The following ALG14 variants were observed in gnomAD, a reference collection of about 807,000 sequenced individuals.
The protein encoded by ALG14 is UDP-N-acetylglucosamine transferase subunit ALG14.
ALG14 carries 17 observed loss-of-function variants against 22.8 expected under a neutral mutation model. That is an observed-to-expected ratio of 0.75 (90% CI 0.51 to 1.12). The LOEUF (loss-of-function observed/expected upper bound fraction) is 1.12. Among genes scored for constraint, ALG14 ranks in the 50% most tolerant of loss-of-function variants. The probability of loss-of-function intolerance (pLI) is 0.00; values close to 1 mark genes in which losing one functional copy is unlikely to be tolerated. For synonymous variants in ALG14, 89 were observed against 103.7 expected, an observed-to-expected ratio of 0.86 and a Z score of 0.86; for missense variants, 288 against 271.8, an observed-to-expected ratio of 1.06 and a Z score of -0.42.
In ALG14 at chr1:95,036,177, T is replaced by C. The variant is rs144657249; in HGVS notation, c.289-8917A>G. On this transcript the variant is annotated intron_variant, in intron 2 of 3. Coordinates refer to ENST00000370205, the MANE Select transcript of ALG14 (RefSeq NM_144988.4). ...TGGTTGTGTCCCCACCCAAGTCTCA[T>C]CTTGAATTGTAGTTCCCATAACCCC... Among the ~76,000 whole-genome samples the C allele has an allele frequency of 7.2e-3, 1,103 of 152,232 alleles. 12 individuals are homozygous for C. Among genetic ancestry groups the C allele is most frequent in the African/African-American group, 0.025 (1,040 of 41,550 alleles).
intron 3 of ALG14, among the ~76,000 whole-genome samples, chr1:95,003,335 T>C (rs1673116210): frequency 6.6e-6 from 1 of 152,128 alleles, no homozygotes; most frequent in South Asian, 2.1e-4. Context: ...TTTTGGAAGA[T>C]ACAAGTCAAA....
intron 3 of ALG14, among the ~76,000 whole-genome samples, chr1:95,003,501 G>A (rs568471323): frequency 2.1e-4 from 31 of 150,000 alleles, no homozygotes; most frequent in Non-Finnish European, 4.1e-4. Flanking sequence ...CCGGGCTGGA[G>A]TACGGTGGCA....
At chr1:94,985,356 G>A (rs545330197) in intron 3 of ALG14, among the ~76,000 whole-genome samples, 5 of 152,252 alleles carry the variant, frequency 3.3e-5, no homozygotes, top group East Asian at 1.9e-4. Flanking sequence ...CTTACTTAGC[G>A]TGCTTCGCAG....
chr1:95,045,932 T>G (rs1450082674), intron 2 of ALG14, among the ~76,000 whole-genome samples: 1 of 93,112 alleles, frequency 1.1e-5, no homozygotes, highest in African/African-American at 5.2e-5. Context: ...AGTATACTAA[T>G]AGAATAGTAT....
chr1:95,023,137 T>G (rs975155933), intron 3 of ALG14, among the ~76,000 whole-genome samples: 1 of 148,968 alleles, frequency 6.7e-6, no homozygotes, highest in Admixed American at 6.7e-5. Context: ...TGTCATCAAC[T>G]TTTTTTTTTG....
At chr1:95,040,612 G>A (rs942317300) in intron 2 of ALG14, among the ~76,000 whole-genome samples, 1 of 152,188 alleles carries the variant, frequency 6.6e-6, no homozygotes, top group Non-Finnish European at 1.5e-5. Context: ...ACAAAAGGAA[G>A]GACGTAGGGA....
chr1:95,022,351 G>GT, intron 3 of ALG14: 2 of 985,446 alleles, frequency 2.0e-6, no homozygotes, highest in Non-Finnish European at 2.4e-6. Flanking sequence ...GGCACAGCTG[G>GT]TAATTTCACC....
intron 3 of ALG14, among the ~76,000 whole-genome samples, chr1:95,010,659 C>A (rs371278720): frequency 1.3e-5 from 2 of 151,938 alleles, no homozygotes. Flanking sequence ...GTGAAAATGC[C>A]CTTTATATTT....
intron 1 of ALG14, among the ~76,000 whole-genome samples, chr1:95,068,376 T>C (rs1675447883): frequency 6.6e-6 from 1 of 152,196 alleles, no homozygotes; most frequent in Non-Finnish European, 1.5e-5. Flanking sequence ...AACCTCTGCC[T>C]CCTGGGTTCA....
intron 2 of ALG14, among the ~76,000 whole-genome samples, chr1:95,042,299 T>C (rs906061843): frequency 3.4e-5 from 4 of 118,744 alleles, no homozygotes; most frequent in African/African-American, 1.6e-4. Context: ...ATCTTTGATT[T>C]AAACATACAC....
chr1:95,016,789 G>C (rs1673505375), intron 3 of ALG14, among the ~76,000 whole-genome samples: 1 of 152,046 alleles, frequency 6.6e-6, no homozygotes, highest in African/African-American at 2.4e-5. Context: ...AGGCTTGAAG[G>C]CTGCACACAA....
At chr1:95,000,621 A>C (rs1380926302) in intron 3 of ALG14, among the ~76,000 whole-genome samples, 4 of 151,392 alleles carry the variant, frequency 2.6e-5, no homozygotes, top group Non-Finnish European at 5.9e-5. Context: ...CCAGTTGTGC[A>C]CTTCTAAAGC....
intron 3 of ALG14, among the ~76,000 whole-genome samples, chr1:95,008,976 G>C (rs1267271437): frequency 1.3e-5 from 2 of 152,026 alleles, no homozygotes; most frequent in African/African-American, 4.8e-5. Context: ...CATCCATGTT[G>C]TGGCATGTAT....
intron 3 of ALG14, among the ~76,000 whole-genome samples, chr1:95,007,731 C>T (rs1333768531): frequency 6.6e-6 from 1 of 152,216 alleles, no homozygotes; most frequent in Non-Finnish European, 1.5e-5. Context: ...GAAACTATAG[C>T]AGACCTCTGC....
Position 94,983,025 on chromosome 1 carries a change from AG to A in ALG14, c.*50del, listed in dbSNP as rs1672536148. The A allele has an allele frequency of 6.7e-7, 1 of 1,501,364 alleles. No homozygotes were observed. Among genetic ancestry groups the A allele is most frequent in the African/African-American group, 1.4e-5 (1 of 72,124 alleles). 93.0% of individuals were successfully genotyped at this position (1,501,364 alleles called of 1,614,324 possible). A position where few individuals can be genotyped will look rare whatever the true frequency, so the allele number is the denominator to read the frequency against. On this transcript the variant is annotated 3_prime_UTR_variant, in exon 4 of 4. Coordinates refer to ENST00000370205, the MANE Select transcript of ALG14 (RefSeq NM_144988.4). ...GTAGGGTTTTTTTCCCCCCAATTTG[AG>A]TACATACTACTGTTAACTGCAAAAT...
chr1:94,992,325 G>T (rs1472386556), intron 3 of ALG14, among the ~76,000 whole-genome samples: 1 of 152,064 alleles, frequency 6.6e-6, no homozygotes, highest in Non-Finnish European at 1.5e-5. Flanking sequence ...AATCTTACGG[G>T]ATCACTATTG....
intron 2 of ALG14, among the ~76,000 whole-genome samples, chr1:95,036,421 T>C (rs1674196705): frequency 4.6e-5 from 1 of 21,604 alleles, no homozygotes; most frequent in Non-Finnish European, 7.8e-5. Flanking sequence ...TTAAACCTCT[T>C]TTTTTTTTTT....
intron 2 of ALG14, among the ~76,000 whole-genome samples, chr1:95,051,579 C>A (rs1674751720): frequency 6.6e-6 from 1 of 152,214 alleles, no homozygotes; most frequent in African/African-American, 2.4e-5. Flanking sequence ...AAAAGCCATC[C>A]AAGCCAACAA....
At chr1:95,034,708 A>G (rs1557965273) in intron 2 of ALG14, among the ~76,000 whole-genome samples, 1 of 152,120 alleles carries the variant, frequency 6.6e-6, no homozygotes, top group Non-Finnish European at 1.5e-5. Context: ...ACTGCTGAGG[A>G]GCTGCTTTCC....
Sources: gnomAD v4.1 joint callset for allele counts (sites outside exome capture counted in the v4.1 genomes callset) on GRCh38, gnomAD v4.1.1 for gene constraint, MANE v1.5 for transcripts, NCBI Gene and HGNC (gene_info 2026-07-23, HGNC 2026-07-21) for gene names.